Variants in ACACA observed in about 807,000 individuals in gnomAD.
ACACA encodes the protein acetyl-CoA carboxylase 1.
Under a neutral mutation model 296.1 loss-of-function variants are expected in ACACA, and 103 were observed. The ratio of observed to expected loss-of-function variants is 0.35; its 90% CI spans 0.30 to 0.41. The LOEUF (loss-of-function observed/expected upper bound fraction) is 0.41, where lower values mean the gene tolerates loss of function less well. ACACA is among the 10% of genes least tolerant of loss of function. The probability of loss-of-function intolerance (pLI) is 1.00; values close to 1 mark genes in which losing one functional copy is unlikely to be tolerated. For synonymous variants in ACACA, 953 were observed against 1,038.6 expected, an observed-to-expected ratio of 0.92 and a Z score of 1.58; for missense variants, 1,554 against 2,989.7, an observed-to-expected ratio of 0.52 and a Z score of 11.20.
intron 8 of ACACA, 27 bp downstream of exon 8, chr17:37,275,924 A>T: frequency 6.3e-7 from 1 of 1,584,550 alleles, no homozygotes; most frequent in Non-Finnish European, 8.7e-7. Flanking sequence ...CTGTACTTCA[A>T]GATACAAACA....
intron 22 of ACACA, among the ~76,000 whole-genome samples, chr17:37,243,136 A>C (rs960722207): frequency 1.3e-5 from 2 of 152,224 alleles, no homozygotes; most frequent in Non-Finnish European, 1.5e-5. Context: ...GAACAAAGCT[A>C]TAAGGTATAC....
At chr17:37,362,973 CA>C (rs1157570690) in intron 1 of ACACA, among the ~76,000 whole-genome samples, 1,716 of 51,598 alleles carry the variant, frequency 0.033, 21 homozygotes, top group African/African-American at 0.084. Flanking sequence ...GACTCCGTCT[CA>C]AAAAAAAAAA....
chr17:37,131,954 TC>T (rs952299052), intron 45 of ACACA, among the ~76,000 whole-genome samples: 10 of 152,188 alleles, frequency 6.6e-5, no homozygotes, highest in African/African-American at 2.4e-4. Flanking sequence ...TGAGCTCCCA[TC>T]CGCCTCTCAG....
chr17:37,128,328 G>A (rs990577142), intron 47 of ACACA, among the ~76,000 whole-genome samples: 3 of 152,098 alleles, frequency 2.0e-5, no homozygotes, highest in Admixed American at 1.3e-4. Flanking sequence ...AAGAGAGGTC[G>A]TAAGTGCAAA....
intron 39 of ACACA, among the ~76,000 whole-genome samples, chr17:37,184,864 A>T (rs979328475): frequency 1.3e-5 from 2 of 152,068 alleles, no homozygotes; most frequent in Admixed American, 6.6e-5. Flanking sequence ...AAAAAAAAAA[A>T]AATCCATGAA....
chr17:37,357,365 C>T (rs554341268), intron 1 of ACACA, among the ~76,000 whole-genome samples: 2 of 151,998 alleles, frequency 1.3e-5, no homozygotes, highest in Non-Finnish European at 2.9e-5. Context: ...TAGTGGCGCA[C>T]GCGTGTAATC....
At chr17:37,358,905 G>C (rs2049272049) in intron 1 of ACACA, 2 of 974,798 alleles carry the variant, frequency 2.1e-6, no homozygotes, top group African/African-American at 3.5e-5. Context: ...GTGAGCGGAG[G>C]CTGGGAGGCG....
At chr17:37,201,984 A>G (rs1370792039) in intron 33 of ACACA, among the ~76,000 whole-genome samples, 1 of 152,220 alleles carries the variant, frequency 6.6e-6, no homozygotes, top group Non-Finnish European at 1.5e-5. Flanking sequence ...AAAATAATAA[A>G]TTATCAGGCC....
chr17:37,357,983 C>G (rs2049219444), intron 1 of ACACA, among the ~76,000 whole-genome samples: 1 of 152,318 alleles, frequency 6.6e-6, no homozygotes, highest in African/African-American at 2.4e-5. Flanking sequence ...AAATAAACTT[C>G]TGAGACTGAA....
intron 22 of ACACA, 50 bp from the exon 23 acceptor site, chr17:37,242,103 C>A: frequency 7.1e-7 from 1 of 1,414,298 alleles, no homozygotes; most frequent in South Asian, 1.1e-5. Flanking sequence ...ACAAAATGCC[C>A]CAAAGCATCA....
At chr17:37,088,454 A>G (rs1340257486) in intron 55 of ACACA, among the ~76,000 whole-genome samples, 2 of 152,162 alleles carry the variant, frequency 1.3e-5, no homozygotes, top group Admixed American at 1.3e-4. Context: ...TGTTCTTTGT[A>G]CTGTTTTTAA....
At chr17:37,243,638 T>C in intron 21 of ACACA, 79 bp from the exon 22 acceptor site, 1 of 1,493,918 alleles carries the variant, frequency 6.7e-7, no homozygotes, top group Non-Finnish European at 9.3e-7. Flanking sequence ...TGTCATTCTG[T>C]ATACGTGGGA....
At chr17:37,210,190 C>A (rs1011054423) in intron 30 of ACACA, among the ~76,000 whole-genome samples, 1 of 152,128 alleles carries the variant, frequency 6.6e-6, no homozygotes, top group Non-Finnish European at 1.5e-5. Context: ...CTAGCAAGGC[C>A]GGACATAAGG....
intron 38 of ACACA, 124 bp from the exon 39 acceptor site, chr17:37,188,604 ACCTT>A: frequency 1.0e-6 from 1 of 993,246 alleles, no homozygotes; most frequent in African/African-American, 1.6e-5. Context: ...GGAGATGCAC[ACCTT>A]ACAAAAAGTG....
chr17:37,232,902 GTCC>G, intron 25 of ACACA, among the ~76,000 whole-genome samples: 1 of 151,116 alleles, frequency 6.6e-6, no homozygotes, highest in South Asian at 2.1e-4. Context: ...CATCCCCCTT[GTCC>G]TCCTCCTCCT....
intron 3 of ACACA, among the ~76,000 whole-genome samples, chr17:37,298,683 T>G (rs774584570): frequency 6.6e-6 from 1 of 152,172 alleles, no homozygotes; most frequent in Non-Finnish European, 1.5e-5. Flanking sequence ...TTTATGTCAA[T>G]TCTCTGCAGG....
chr17:37,336,097 T>C (rs2048104722), intron 2 of ACACA, among the ~76,000 whole-genome samples: 1 of 152,152 alleles, frequency 6.6e-6, no homozygotes, highest in South Asian at 2.1e-4. Context: ...TAAGTTTGTC[T>C]TTTCCAGAAT....
chr17:37,135,821 C>T (rs2075306346), intron 45 of ACACA, among the ~76,000 whole-genome samples: 2 of 151,850 alleles, frequency 1.3e-5, no homozygotes, highest in Admixed American at 6.6e-5. Context: ...AGAAAGCTGC[C>T]AAAAGTAATC....
At position 37,244,641 on chromosome 17, in the gene ACACA, G is replaced by T. The variant is rs369931668; in HGVS notation, c.2689C>A (p.Leu897Met). The change falls in exon 21 of 56, where the codon CTG (leucine) becomes ATG (methionine). Residue 897 changes from leucine (L) to methionine (M), a missense_variant. Physicochemically the swap from Leu to Met is conservative, Grantham distance 15. This residue lies in a region of ACACA where 316 missense variants were observed against 540.9 expected (regional missense o/e 0.58). Coordinates refer to ENST00000616317, the MANE Select transcript of ACACA (RefSeq NM_198834.3). ...HRVFHYVLDN[L>M]VNVMNGYCLP... ...CAGTATCCATTCATTACATTGACCA[G>T]ATTATCCAGGACATAATGGAACACT... The T allele has an allele frequency of 6.2e-7, 1 of 1,614,036 alleles. No homozygotes were observed. Among genetic ancestry groups the T allele is most frequent in the Non-Finnish European group, 8.5e-7 (1 of 1,180,028 alleles).
Sources: gnomAD v4.1 joint callset for allele counts (sites outside exome capture counted in the v4.1 genomes callset) on GRCh38, gnomAD v4.1.1 for gene constraint, gnomAD v4.1.1 regional missense constraint, MANE v1.5 for transcripts, NCBI Gene and HGNC (gene_info 2026-07-23, HGNC 2026-07-21) for gene names.